The following NOL4 variants were observed in gnomAD, a reference collection of about 807,000 sequenced individuals.
The protein encoded by NOL4 is nucleolar protein 4.
Under a neutral mutation model 75.9 loss-of-function variants are expected in NOL4, and 17 were observed. The observed-to-expected ratio is 0.22, with a 90% CI of 0.15 to 0.34. NOL4 has a LOEUF of 0.34. Ranked by LOEUF, NOL4 falls within the 10% of genes least tolerant of loss-of-function variation. The pLI is 1.00. For missense variants in NOL4, 614 were observed against 793.5 expected, an observed-to-expected ratio of 0.77 and a Z score of 2.72; for synonymous variants, 292 against 289.9, an observed-to-expected ratio of 1.01 and a Z score of -0.07.
At chr18:33,953,571 A>C (rs919136783) in intron 8 of NOL4, among the ~76,000 whole-genome samples, 2 of 152,218 alleles carry the variant, frequency 1.3e-5, no homozygotes, top group Non-Finnish European at 2.9e-5. Flanking sequence ...ACACAAAAAT[A>C]GTCAAATCTC....
At chr18:34,214,784 G>A (rs1395527646) in intron 1 of NOL4, among the ~76,000 whole-genome samples, 1 of 151,858 alleles carries the variant, frequency 6.6e-6, no homozygotes, top group Non-Finnish European at 1.5e-5. Flanking sequence ...CTAATGAATG[G>A]ACAAACAAAA....
intron 6 of NOL4, among the ~76,000 whole-genome samples, chr18:33,970,518 C>T (rs188700798): frequency 1.6e-3 from 248 of 152,086 alleles, no homozygotes; most frequent in African/African-American, 5.6e-3. Context: ...ACCAATGATT[C>T]TGAAGAAATA....
At chr18:34,004,579 A>T (rs2073926498) in intron 6 of NOL4, among the ~76,000 whole-genome samples, 1 of 152,114 alleles carries the variant, frequency 6.6e-6, no homozygotes, top group African/African-American at 2.4e-5. Context: ...AATAAAAAGC[A>T]AACCTATGTT....
intron 9 of NOL4, among the ~76,000 whole-genome samples, chr18:33,932,764 C>T (rs1201795351): frequency 1.3e-5 from 2 of 151,918 alleles, no homozygotes; most frequent in Non-Finnish European, 2.9e-5. Context: ...GGGCCCCATC[C>T]TGAGCAATTC....
At chr18:33,912,398 CTAATA>C (rs1599844910) in intron 9 of NOL4, among the ~76,000 whole-genome samples, 2 of 151,914 alleles carry the variant, frequency 1.3e-5, no homozygotes, top group African/African-American at 4.8e-5. Flanking sequence ...GACAAATTTT[CTAATA>C]TAATATAGTT....
chr18:33,914,294 C>A (rs1223503287), intron 9 of NOL4, among the ~76,000 whole-genome samples: 1 of 151,850 alleles, frequency 6.6e-6, no homozygotes, highest in Non-Finnish European at 1.5e-5. Flanking sequence ...GTGCAAAGAC[C>A]CTGAGACAGG....
At chr18:33,863,607 C>T (rs566691103) in intron 10 of NOL4, among the ~76,000 whole-genome samples, 9 of 152,296 alleles carry the variant, frequency 5.9e-5, no homozygotes, top group Middle Eastern at 3.4e-3. Flanking sequence ...TGTCTCACAT[C>T]CAGGGCATGC....
At chr18:33,909,080 T>C (rs1429610068) in intron 9 of NOL4, among the ~76,000 whole-genome samples, 2 of 152,156 alleles carry the variant, frequency 1.3e-5, no homozygotes, top group African/African-American at 4.8e-5. Flanking sequence ...AAGTTGTTAA[T>C]TTTTAGGTGT....
chr18:34,222,909 C>G, intron 1 of NOL4, 81 bp downstream of exon 1: 1 of 1,546,100 alleles, frequency 6.5e-7, no homozygotes, highest in Non-Finnish European at 8.7e-7. Context: ...CACGGCTCCC[C>G]CTCTCTCCCG....
At chr18:34,021,310 G>T (rs907054438) in intron 5 of NOL4, among the ~76,000 whole-genome samples, 1 of 152,154 alleles carries the variant, frequency 6.6e-6, no homozygotes, top group Admixed American at 6.5e-5. Context: ...ATTCTCAAAG[G>T]TGAGTGAGCC....
chr18:34,177,650 C>A (rs1402204372), intron 1 of NOL4, among the ~76,000 whole-genome samples: 1 of 151,640 alleles, frequency 6.6e-6, no homozygotes, highest in Non-Finnish European at 1.5e-5. Flanking sequence ...GAGTTAATTT[C>A]TAATAAGAAA....
intron 10 of NOL4, among the ~76,000 whole-genome samples, chr18:33,871,958 T>C (rs192696366): frequency 1.5e-4 from 23 of 152,170 alleles, no homozygotes; most frequent in African/African-American, 5.3e-4. Flanking sequence ...TATTCGCAGA[T>C]AATTTTTCAC....
intron 6 of NOL4, among the ~76,000 whole-genome samples, chr18:33,958,929 T>A (rs2069879006): frequency 6.6e-6 from 1 of 152,168 alleles, no homozygotes; most frequent in Admixed American, 6.6e-5. Flanking sequence ...TTCAATTAAC[T>A]TACCCAGCAA....
chr18:34,142,796 G>A (rs182280426), intron 1 of NOL4, among the ~76,000 whole-genome samples: 27 of 151,934 alleles, frequency 1.8e-4, no homozygotes, highest in Admixed American at 7.2e-4. Context: ...AAACCTGCAC[G>A]TTGTGCACAT....
chr18:34,135,931 A>T (rs572639968), intron 1 of NOL4, among the ~76,000 whole-genome samples: 8 of 152,040 alleles, frequency 5.3e-5, no homozygotes, highest in Non-Finnish European at 1.2e-4. Flanking sequence ...AGATACAAAA[A>T]TCCTCAATAA....
intron 1 of NOL4, chr18:34,156,643 C>G (rs1014409370): frequency 6.6e-6 from 1 of 152,318 alleles, no homozygotes; most frequent in East Asian, 1.9e-4. Flanking sequence ...AAATACCTCA[C>G]GTCTGTTCAC....
rs575608341 is a variant in NOL4 at position 33,888,175 on chromosome 18, G to T, written c.1543-4751C>A. Among the ~76,000 whole-genome samples the T allele has an allele frequency of 1.2e-4, 19 of 152,226 alleles. No homozygotes were observed. In the East Asian group the frequency reaches 3.1e-3, roughly 25 times the overall value. ...TTGCATTTCTCTGATGACCAGTGAT[G>T]GATGATGAGCATTTTTTCATGTTTG... On this transcript the variant is annotated intron_variant, in intron 9 of 10. Transcript: ENST00000261592.
chr18:34,113,456 T>G (rs368817987), intron 2 of NOL4, among the ~76,000 whole-genome samples: 9 of 152,130 alleles, frequency 5.9e-5, no homozygotes, highest in Non-Finnish European at 1.0e-4. Context: ...CCAGCCAACA[T>G]AGATCCTATC....
At chr18:34,037,183 C>T (rs971122641) in intron 5 of NOL4, among the ~76,000 whole-genome samples, 1 of 151,936 alleles carries the variant, frequency 6.6e-6, no homozygotes, top group Non-Finnish European at 1.5e-5. Context: ...ACAATAGCTA[C>T]AAAAAATCCC....
Sources: gnomAD v4.1 joint callset for allele counts (sites outside exome capture counted in the v4.1 genomes callset) on GRCh38, gnomAD v4.1.1 for gene constraint, MANE v1.5 for transcripts, NCBI Gene and HGNC (gene_info 2026-07-23, HGNC 2026-07-21) for gene names.